CSMD3: variants seen among roughly 807,000 people sequenced by gnomAD.
CSMD3 encodes the protein CUB and Sushi multiple domains 3.
In CSMD3, 177 loss-of-function variants were observed where a neutral mutation model predicts 435.2. The observed-to-expected ratio is 0.41, with a 90% CI of 0.36 to 0.46. The LOEUF (loss-of-function observed/expected upper bound fraction) is 0.46. Among genes scored for constraint, CSMD3 ranks in the 20% least tolerant of loss-of-function variants. The pLI is 0.34. For synonymous variants in CSMD3, 1,656 were observed against 1,520.5 expected, an observed-to-expected ratio of 1.09 and a Z score of -2.07; for missense variants, 4,265 against 4,504.6, an observed-to-expected ratio of 0.95 and a Z score of 1.52.
At chr8:112,552,241 T>A (rs975664993) in intron 26 of CSMD3, among the ~76,000 whole-genome samples, 18 of 145,156 alleles carry the variant, frequency 1.2e-4, no homozygotes, top group African/African-American at 4.5e-4. Context: ...ACACCTGTAA[T>A]CCCAGCACTT....
intron 3 of CSMD3, among the ~76,000 whole-genome samples, chr8:113,242,288 A>C (rs2093227591): frequency 6.6e-6 from 1 of 151,962 alleles, no homozygotes; most frequent in Non-Finnish European, 1.5e-5. Flanking sequence ...ATATTAATAC[A>C]ATAAAGAGGA....
chr8:112,366,448 A>G (rs1320269170), intron 38 of CSMD3, among the ~76,000 whole-genome samples: 1 of 152,176 alleles, frequency 6.6e-6, no homozygotes, highest in Admixed American at 6.5e-5. Flanking sequence ...CTCAGGCTGG[A>G]GTGCAATGGC....
At position 112,923,562 on chromosome 8, in the gene CSMD3, G is replaced by T. The variant is rs73702260; in HGVS notation, c.1509-1811C>A. On this transcript the variant is annotated intron_variant, in intron 9 of 70. Transcript: ENST00000297405. ...TGTATCTCCCATTCTCAATTGTTCT[G>T]GTTTCTCCTCGCATGATATTTTATC... is the stretch of plus-strand genomic sequence containing the variant. Among the ~76,000 whole-genome samples, 750 of 152,026 alleles carry T rather than the reference G, an allele frequency of 4.9e-3. 6 individuals carry two copies. The highest frequency in any genetic ancestry group is 0.017 in the African/African-American group (685 of 41,490).
chr8:112,401,719 T>C (rs138573697), intron 35 of CSMD3, among the ~76,000 whole-genome samples: 2 of 152,296 alleles, frequency 1.3e-5, no homozygotes, highest in African/African-American at 4.8e-5. Flanking sequence ...AAAGATTTAC[T>C]AGTATTTTCA....
At chr8:113,253,140 T>C (rs1239433697) in intron 3 of CSMD3, among the ~76,000 whole-genome samples, 2 of 152,094 alleles carry the variant, frequency 1.3e-5, no homozygotes, top group African/African-American at 4.8e-5. Flanking sequence ...AGGACTGAGA[T>C]TGATCCTGGA....
chr8:112,293,502 A>G (rs1341428940), intron 54 of CSMD3, among the ~76,000 whole-genome samples: 5 of 152,184 alleles, frequency 3.3e-5, no homozygotes, highest in Non-Finnish European at 7.4e-5. Flanking sequence ...TGTAGAAAAT[A>G]GAAAATGATA....
chr8:112,332,245 A>G (rs1824136197), intron 45 of CSMD3, among the ~76,000 whole-genome samples: 1 of 152,188 alleles, frequency 6.6e-6, no homozygotes, highest in African/African-American at 2.4e-5. Context: ...TTTGGTAAAA[A>G]GAGTAAGTGT....
chr8:113,230,527 A>C (rs538761661), intron 3 of CSMD3, among the ~76,000 whole-genome samples: 2 of 151,634 alleles, frequency 1.3e-5, no homozygotes, highest in Non-Finnish European at 3.0e-5. Flanking sequence ...GAATTGAATT[A>C]AGGAATCTTT....
chr8:112,870,544 G>C (rs2130036061), intron 10 of CSMD3, among the ~76,000 whole-genome samples: 1 of 151,914 alleles, frequency 6.6e-6, no homozygotes, highest in African/African-American at 2.4e-5. Context: ...CCAAAGTGCT[G>C]GGATTACAGG....
chr8:112,341,787 A>C (rs1287543841), intron 41 of CSMD3, 101 bp from the exon 42 acceptor site: 2 of 828,126 alleles, frequency 2.4e-6, no homozygotes, highest in African/African-American at 3.4e-5. Context: ...ATAAGTTTGC[A>C]TTTAAGTCAA....
chr8:113,395,120 T>C (rs2133174183), intron 1 of CSMD3, among the ~76,000 whole-genome samples: 1 of 152,282 alleles, frequency 6.6e-6, no homozygotes, highest in African/African-American at 2.4e-5. Context: ...CTTATGCAAA[T>C]AAATTAAATT....
intron 1 of CSMD3, among the ~76,000 whole-genome samples, chr8:113,380,930 A>T (rs1219355469): frequency 6.6e-6 from 1 of 152,134 alleles, no homozygotes; most frequent in African/African-American, 2.4e-5. Context: ...TAAAAAGAAA[A>T]GAAAGAGAAA....
At chr8:112,645,341 C>G (rs2074951165) in intron 19 of CSMD3, 116 bp from the exon 20 acceptor site, 2 of 729,966 alleles carry the variant, frequency 2.7e-6, no homozygotes, top group Non-Finnish European at 5.0e-6. Context: ...ATGCTACCTC[C>G]TAGTAATAAC....
At chr8:112,309,953 T>C (rs528526528) in intron 50 of CSMD3, among the ~76,000 whole-genome samples, 2 of 152,330 alleles carry the variant, frequency 1.3e-5, no homozygotes, top group South Asian at 4.1e-4. Flanking sequence ...AGACTTCTTG[T>C]TTATTAACCT....
chr8:113,164,211 A>G (rs1384363066), intron 4 of CSMD3, among the ~76,000 whole-genome samples: 1 of 151,928 alleles, frequency 6.6e-6, no homozygotes, highest in Non-Finnish European at 1.5e-5. Flanking sequence ...ATTTTCTTTT[A>G]TTATAGTTTG....
Position 112,689,880 on chromosome 8 carries a change from G to A in CSMD3, c.2143C>T (p.Pro715Ser), listed in dbSNP as rs2131823720. 1 of 1,612,928 alleles carries A rather than the reference G, an allele frequency of 6.2e-7. No individual in the cohort carries two copies. The highest frequency in any genetic ancestry group is 8.5e-7 in the Non-Finnish European group (1 of 1,179,160). ...QENNQWSANI[P>S]ICIFPCLSNF... Reference sequence around the variant, plus strand: ...ATTTGGTACTCACAGATACAGATGGGTATGTTTGCAGACCATTGGTTATTC... The same window carrying A: ...ATTTGGTACTCACAGATACAGATGGATATGTTTGCAGACCATTGGTTATTC... The change falls in exon 14 of 71, where the codon CCC becomes TCC. Residue 715 changes from proline to serine, a missense_variant. Pro to Ser is a moderately conservative substitution (Grantham distance 74, BLOSUM62 -1). Coordinates refer to ENST00000297405, the MANE Select transcript of CSMD3 (RefSeq NM_198123.2).
chr8:112,867,889 T>A (rs1374075891), intron 10 of CSMD3, among the ~76,000 whole-genome samples: 2 of 152,106 alleles, frequency 1.3e-5, no homozygotes, highest in African/African-American at 4.8e-5. Context: ...AATTGTTACT[T>A]AAATAGTGAA....
intron 5 of CSMD3, among the ~76,000 whole-genome samples, chr8:113,052,885 T>C (rs747518824): frequency 2.0e-5 from 3 of 152,216 alleles, no homozygotes; most frequent in East Asian, 1.9e-4. Flanking sequence ...ATGGATATAA[T>C]AGAAAAATCT....
At chr8:113,406,716 A>C (rs1204088910) in intron 1 of CSMD3, among the ~76,000 whole-genome samples, 1 of 152,042 alleles carries the variant, frequency 6.6e-6, no homozygotes. Context: ...GGAGAACTCT[A>C]CAGAGTATAT....
Sources: gnomAD v4.1 joint callset for allele counts (sites outside exome capture counted in the v4.1 genomes callset) on GRCh38, gnomAD v4.1.1 for gene constraint, MANE v1.5 for transcripts, NCBI Gene and HGNC (gene_info 2026-07-23, HGNC 2026-07-21) for gene names.